The following EPB41L5 variants were observed in gnomAD, a reference collection of about 807,000 sequenced individuals.
The protein encoded by EPB41L5 is band 4.1-like protein 5.
A neutral mutation model predicts 106.6 loss-of-function variants in EPB41L5; 55 were observed. The ratio of observed to expected loss-of-function variants is 0.52; its 90% CI spans 0.42 to 0.65. The LOEUF is 0.65. EPB41L5 is among the 30% of genes least tolerant of loss of function. EPB41L5 has a pLI of 0.00. For missense variants in EPB41L5, 871 were observed against 882.1 expected (o/e 0.99, Z 0.16); for synonymous variants, 297 against 306.7 (o/e 0.97, Z 0.33).
chr2:120,031,990 A>T (rs1008021049), intron 2 of EPB41L5, among the ~76,000 whole-genome samples: 1 of 152,270 alleles, frequency 6.6e-6, no homozygotes. Flanking sequence ...AATTTTTTTT[A>T]AAGTTCATTA....
intron 16 of EPB41L5, among the ~76,000 whole-genome samples, chr2:120,108,811 C>T (rs866124079): frequency 6.6e-6 from 1 of 152,154 alleles, no homozygotes; most frequent in Non-Finnish European, 1.5e-5. Flanking sequence ...TTTCTGGGGA[C>T]ATCATCAGCA....
intron 16 of EPB41L5, chr2:120,104,492 G>A (rs554922572): frequency 8.8e-7 from 1 of 1,141,588 alleles, no homozygotes; most frequent in Non-Finnish European, 1.1e-6. Flanking sequence ...TTTTGGAAGA[G>A]TTTTCAGACC....
intron 2 of EPB41L5, 133 bp downstream of exon 2, chr2:120,019,397 G>A (rs201224627): frequency 3.7e-5 from 2 of 53,534 alleles, no homozygotes; most frequent in Admixed American, 6.6e-4. Flanking sequence ...ATCAGGCACT[G>A]TAACATTCAG....
rs150875024 is a variant in EPB41L5 at position 120,167,881 on chromosome 2, G to C, written c.2009G>C (p.Ser670Thr). 3.0e-5 allele frequency: 48 copies of C among 1,614,036 alleles called. No individual in the cohort carries two copies. The highest frequency in any genetic ancestry group is 4.1e-5 in the Non-Finnish European group (48 of 1,180,022). Residue 670 changes from serine (S) to threonine (T), a missense_variant, in exon 24 of 25, where the codon AGT becomes ACT. Ser to Thr is a moderately conservative substitution (Grantham distance 58). Coordinates refer to ENST00000263713, the MANE Select transcript of EPB41L5 (RefSeq NM_020909.4). ...TTGTGTGTGTATCTCCCACAGCAGA[G>C]TGGTGCCATGTCTAATGGACTTGCG... ...MITPRWIVPQ[S>T]GAMSNGLAGC... is the part of the protein sequence containing the mutation.
Position 120,075,693 on chromosome 2 carries a change from G to C in EPB41L5, c.453-8G>C. On this transcript the variant is annotated splice_region_variant and splice_polypyrimidine_tract_variant and intron_variant, in intron 6 of 24. Coordinates refer to ENST00000263713, the MANE Select transcript of EPB41L5 (RefSeq NM_020909.4). ...AACTTGTCTAACAAACTTGTGTTTT[G>C]GTCTCAGATTAGACTGTCCCTTTGA... 1 of 1,611,692 alleles carries C rather than the reference G, an allele frequency of 6.2e-7. No homozygotes were observed. Among genetic ancestry groups the C allele is most frequent in the Non-Finnish European group, 8.5e-7 (1 of 1,178,172 alleles).
At chr2:120,055,128 G>GC (rs1680559857) in intron 3 of EPB41L5, among the ~76,000 whole-genome samples, 1 of 152,050 alleles carries the variant, frequency 6.6e-6, no homozygotes, top group African/African-American at 2.4e-5. Flanking sequence ...CTCCCAAAGT[G>GC]CTGGAATTAT....
At chr2:120,142,107 C>CTTTT (rs75021429) in intron 18 of EPB41L5, among the ~76,000 whole-genome samples, 1 of 71,072 alleles carries the variant, frequency 1.4e-5, no homozygotes, top group African/African-American at 3.6e-5. Context: ...TCTGTGCTTT[C>CTTTT]TTTTTTAAAA....
At chr2:120,095,277 T>G (rs1300650638) in intron 14 of EPB41L5, among the ~76,000 whole-genome samples, 1 of 152,232 alleles carries the variant, frequency 6.6e-6, no homozygotes, top group Non-Finnish European at 1.5e-5. Context: ...AACTTTTGTT[T>G]TAAAGTTGAT....
chr2:120,046,172 A>G (rs1264089940), intron 3 of EPB41L5, among the ~76,000 whole-genome samples: 2 of 152,210 alleles, frequency 1.3e-5, no homozygotes, highest in Non-Finnish European at 1.5e-5. Context: ...GTATATACCC[A>G]GTAATGGGAT....
chr2:120,035,174 A>G (rs928394124), intron 2 of EPB41L5, among the ~76,000 whole-genome samples: 1 of 152,142 alleles, frequency 6.6e-6, no homozygotes, highest in African/African-American at 2.4e-5. Flanking sequence ...ACCATTTCCC[A>G]TAGTTACCTT....
chr2:120,174,786 GTCC>G (rs1687860701), intron 24 of EPB41L5, 52 bp from the exon 25 acceptor site: 10 of 1,481,188 alleles, frequency 6.8e-6, no homozygotes, highest in Non-Finnish European at 9.4e-6. Context: ...AGACATGAAT[GTCC>G]TCCTCCAAAC....
Position 120,167,865 on chromosome 2 carries a change from T to TATC in EPB41L5, c.2005-11_2005-9dup. 1 of 1,614,160 alleles carries TATC rather than the reference T, an allele frequency of 6.2e-7. No homozygotes were observed. The highest frequency in any genetic ancestry group is 8.5e-7 in the Non-Finnish European group (1 of 1,179,986). On this transcript the variant is annotated splice_polypyrimidine_tract_variant and intron_variant, in intron 23 of 24. Transcript: ENST00000263713. ...GTTACCCTGTATTTAGTTGTGTGTG[T>TATC]ATCTCCCACAGCAGAGTGGTGCCAT...
chr2:120,026,056 G>A (rs1210342691), intron 2 of EPB41L5, among the ~76,000 whole-genome samples: 1 of 152,124 alleles, frequency 6.6e-6, no homozygotes, highest in African/African-American at 2.4e-5. Context: ...CGGTACTTGG[G>A]GAAGTGGGAT....
chr2:120,078,964 C>G (rs961367077), intron 10 of EPB41L5, among the ~76,000 whole-genome samples: 1 of 152,062 alleles, frequency 6.6e-6, no homozygotes, highest in Non-Finnish European at 1.5e-5. Context: ...ATTTTTATCC[C>G]TTCTCTAAGC....
intron 2 of EPB41L5, among the ~76,000 whole-genome samples, chr2:120,023,674 C>T (rs192397320): frequency 5.7e-4 from 86 of 152,162 alleles, no homozygotes; most frequent in African/African-American, 1.5e-3. Flanking sequence ...GGCTCTTTTT[C>T]GGTTCCATAT....
chr2:120,110,672 T>C (rs2105425970), intron 16 of EPB41L5, among the ~76,000 whole-genome samples: 1 of 150,424 alleles, frequency 6.6e-6, no homozygotes, highest in Non-Finnish European at 1.5e-5. Context: ...AGTCTCACTC[T>C]TGCCGAGGCT....
At chr2:120,062,560 A>G (rs895437522) in intron 3 of EPB41L5, among the ~76,000 whole-genome samples, 1 of 152,222 alleles carries the variant, frequency 6.6e-6, no homozygotes, top group Non-Finnish European at 1.5e-5. Flanking sequence ...ATATTTACAA[A>G]TTAAACTTAT....
At chr2:120,075,074 C>A (rs557879185) in intron 5 of EPB41L5, among the ~76,000 whole-genome samples, 49 of 152,236 alleles carry the variant, frequency 3.2e-4, no homozygotes, top group African/African-American at 1.2e-3. Context: ...GTGATCCACC[C>A]GCCTCGCCCT....
chr2:120,022,915 A>G (rs1194168229), intron 2 of EPB41L5, among the ~76,000 whole-genome samples: 1 of 152,102 alleles, frequency 6.6e-6, no homozygotes, highest in Non-Finnish European at 1.5e-5. Context: ...TTTGATTTGC[A>G]TTTCTCTAAT....
Sources: gnomAD v4.1 joint callset for allele counts (sites outside exome capture counted in the v4.1 genomes callset) on GRCh38, gnomAD v4.1.1 for gene constraint, MANE v1.5 for transcripts, NCBI Gene and HGNC (gene_info 2026-07-23, HGNC 2026-07-21) for gene names.